RAB38: variants seen among roughly 807,000 people sequenced by gnomAD.
RAB38 encodes RAB38, member RAS oncogene family, also known as ras-related protein Rab-38.
In RAB38, 15 loss-of-function variants were observed where a neutral mutation model predicts 18.4. The ratio of observed to expected loss-of-function variants is 0.82; its 90% confidence interval spans 0.55 to 1.26. The LOEUF is 1.26. RAB38 is among the 50% of genes most tolerant of loss of function. The pLI, the probability that RAB38 is intolerant of heterozygous loss-of-function variation, is 0.00. For synonymous variants in RAB38, 101 were observed against 104.4 expected, an observed-to-expected ratio of 0.97 and a Z score of 0.20; for missense variants, 294 against 267.4, an observed-to-expected ratio of 1.10 and a Z score of -0.69.
the RAB38 span, among the ~76,000 whole-genome samples, chr11:87,876,666 C>G: frequency 6.6e-6 from 1 of 151,526 alleles, no homozygotes; most frequent in African/African-American, 2.4e-5. Context: ...ACATCTTTGA[C>G]TTTCCATTGT....
At chr11:87,868,607 GA>G in the RAB38 span, among the ~76,000 whole-genome samples, 58 of 20,724 alleles carry the variant, frequency 2.8e-3, 1 homozygote, top group East Asian at 0.05. Context: ...GAGAGAGAGA[GA>G]GAGAGAGAGA....
chr11:87,837,723 C>A, the RAB38 span, among the ~76,000 whole-genome samples: 2 of 152,176 alleles, frequency 1.3e-5, no homozygotes, highest in African/African-American at 2.4e-5. Context: ...ATCAAGCAAA[C>A]TAAGGGACTT....
At chr11:87,908,822 A>G in the RAB38 span, among the ~76,000 whole-genome samples, 4 of 152,028 alleles carry the variant, frequency 2.6e-5, no homozygotes, top group Non-Finnish European at 5.9e-5. Context: ...CGGTCACAAC[A>G]TAATCTTAAG....
At chr11:88,041,058 T>C in the RAB38 span, among the ~76,000 whole-genome samples, 1 of 152,324 alleles carries the variant, frequency 6.6e-6, no homozygotes, top group African/African-American at 2.4e-5. Flanking sequence ...TTCATGTCTG[T>C]CCCTCCAGAG....
chr11:88,153,206 T>C (rs759758570), intron 1 of RAB38, among the ~76,000 whole-genome samples: 5 of 152,328 alleles, frequency 3.3e-5, no homozygotes, highest in South Asian at 4.1e-4. Flanking sequence ...AGTTTTCTTA[T>C]CTATAAAATG....
At chr11:88,017,575 G>A in the RAB38 span, among the ~76,000 whole-genome samples, 55 of 151,116 alleles carry the variant, frequency 3.6e-4, no homozygotes, top group African/African-American at 1.3e-3. Flanking sequence ...ACGTACCCTA[G>A]TCTTACACTG....
At chr11:88,163,417 A>AT (rs1321992906) in intron 1 of RAB38, among the ~76,000 whole-genome samples, 7 of 152,152 alleles carry the variant, frequency 4.6e-5, no homozygotes. Flanking sequence ...TGAACTTGCC[A>AT]TTTTTAAGAT....
the RAB38 span, among the ~76,000 whole-genome samples, chr11:88,058,195 C>T: frequency 3.3e-5 from 5 of 152,118 alleles, no homozygotes; most frequent in African/African-American, 4.8e-5. Flanking sequence ...TTAACAATAC[C>T]TCCAAGAGCA....
the RAB38 span, among the ~76,000 whole-genome samples, chr11:87,967,809 T>C: frequency 2.6e-4 from 40 of 152,170 alleles, 1 homozygote; most frequent in Non-Finnish European, 5.1e-4. Context: ...AATAATGTTG[T>C]CTTCAGAGAT....
chr11:88,064,027 C>T, the RAB38 span, among the ~76,000 whole-genome samples: 13 of 152,202 alleles, frequency 8.5e-5, no homozygotes, highest in East Asian at 7.7e-4. Flanking sequence ...TGGGCGTGTT[C>T]GACCATTGTA....
the RAB38 span, among the ~76,000 whole-genome samples, chr11:88,008,335 G>A: frequency 2.0e-5 from 3 of 151,850 alleles, no homozygotes; most frequent in South Asian, 2.1e-4. Context: ...ATAATGAGTC[G>A]GTATTAATTC....
At chr11:88,119,543 C>T (rs535125059) in intron 2 of RAB38, among the ~76,000 whole-genome samples, 5 of 151,948 alleles carry the variant, frequency 3.3e-5, no homozygotes, top group East Asian at 1.9e-4. Context: ...TCTCATCTTT[C>T]GGTGGAGGAA....
the RAB38 span, among the ~76,000 whole-genome samples, chr11:87,976,846 G>C: frequency 2.0e-5 from 2 of 99,748 alleles, no homozygotes; most frequent in Admixed American, 2.9e-4. Flanking sequence ...TATATATTGT[G>C]TTATATAATG....
At chr11:88,070,962 T>G in the RAB38 span, among the ~76,000 whole-genome samples, 4 of 152,210 alleles carry the variant, frequency 2.6e-5, no homozygotes, top group East Asian at 7.7e-4. Flanking sequence ...AAATGTTAAA[T>G]TTTTAAAAGC....
At chr11:87,905,407 GT>G in the RAB38 span, among the ~76,000 whole-genome samples, 1 of 151,532 alleles carries the variant, frequency 6.6e-6, no homozygotes, top group Non-Finnish European at 1.5e-5. Flanking sequence ...GTGTCTTTGC[GT>G]GTCTACTCAT....
At chr11:88,115,548 A>T (rs749338977) in intron 2 of RAB38, 7 of 152,240 alleles carry the variant, frequency 4.6e-5, no homozygotes, top group Non-Finnish European at 8.8e-5. Flanking sequence ...AGTTCCAGAC[A>T]AGTATAGCCT....
intron 1 of RAB38, among the ~76,000 whole-genome samples, chr11:88,163,899 T>C (rs1943216648): frequency 6.6e-6 from 1 of 152,088 alleles, no homozygotes; most frequent in South Asian, 2.1e-4. Flanking sequence ...ATAACTCATG[T>C]GGATGGAGAT....
At chr11:88,085,175 G>T in the RAB38 span, among the ~76,000 whole-genome samples, 3 of 151,884 alleles carry the variant, frequency 2.0e-5, no homozygotes, top group African/African-American at 7.2e-5. Flanking sequence ...TCTGGTAAGG[G>T]AATTAGTCAG....
the RAB38 span, among the ~76,000 whole-genome samples, chr11:88,023,943 T>G: frequency 6.6e-6 from 1 of 152,304 alleles, no homozygotes; most frequent in South Asian, 2.1e-4. Flanking sequence ...ATGAAACTTC[T>G]GTGAGAAAAC....
Sources: gnomAD v4.1 joint callset for allele counts (sites outside exome capture counted in the v4.1 genomes callset) on GRCh38, gnomAD v4.1.1 for gene constraint, MANE v1.5 for transcripts, NCBI Gene and HGNC (gene_info 2026-07-23, HGNC 2026-07-21) for gene names.